The following GFI1B variants were observed in gnomAD, a reference collection of about 807,000 sequenced individuals.
GFI1B encodes growth factor independent 1B transcriptional repressor.
In GFI1B, 20 loss-of-function variants were observed where a neutral mutation model predicts 35.3. That is an observed-to-expected ratio of 0.57 (90% CI 0.40 to 0.82). The LOEUF (loss-of-function observed/expected upper bound fraction) is 0.82. Among genes scored for constraint, GFI1B ranks in the 40% least tolerant of loss-of-function variants. The pLI, the probability that GFI1B is intolerant of heterozygous loss-of-function variation, is 0.00. For synonymous variants in GFI1B, 178 were observed against 177.6 expected, an observed-to-expected ratio of 1.00 and a Z score of -0.02; for missense variants, 430 against 446.3, an observed-to-expected ratio of 0.96 and a Z score of 0.33.
At position 132,987,420 on chromosome 9, in the gene GFI1B, G is replaced by T. The variant is rs1358456032; in HGVS notation, c.238+1G>T. The T allele has an allele frequency of 1.2e-6, 2 of 1,614,238 alleles. No homozygotes were observed. The highest frequency in any genetic ancestry group is 1.1e-5 in the South Asian group (1 of 91,092). On this transcript the variant is annotated splice_donor_variant, in intron 3 of 6. Transcript: ENST00000372122. LOFTEE classifies it high-confidence loss of function. ...TTGGCCAGGATGGCCCCGGCACCAG[G>T]TACCCCGCTGTGACCCACTGTCATT... is the stretch of plus-strand genomic sequence containing the variant.
intron 1 of GFI1B, among the ~76,000 whole-genome samples, chr9:132,984,059 C>G (rs560470885): frequency 6.6e-6 from 1 of 152,378 alleles, no homozygotes; most frequent in South Asian, 2.1e-4. Context: ...AGCTCCTCTT[C>G]TATCACAGAA....
Position 132,948,274 on chromosome 9 carries a change from C to T in GFI1B, c.-701+2605C>T, listed in dbSNP as rs139040376. Among the ~76,000 whole-genome samples, 26 of 152,224 alleles carry T rather than the reference C, an allele frequency of 1.7e-4. No individual in the cohort carries two copies. In the East Asian group the frequency reaches 5.0e-3, roughly 29 times the overall value. On this transcript the variant is annotated intron_variant, in intron 1 of 10. Transcript: ENST00000339463. Reference sequence around the variant, plus strand: ...GGAAGCTGTGGCCTCTCCCTTCCCCCGTCCTACAGCAAGGTGTGTGACAAG... The same window carrying T: ...GGAAGCTGTGGCCTCTCCCTTCCCCTGTCCTACAGCAAGGTGTGTGACAAG...
At chr9:132,963,335 T>C (rs111590405) in intron 1 of GFI1B, among the ~76,000 whole-genome samples, 6,275 of 151,944 alleles carry the variant, frequency 0.041, 455 homozygotes, top group African/African-American at 0.14. Flanking sequence ...CAAAAATTAG[T>C]GGCATGTTGT....
downstream of GFI1B, chr9:132,991,806 G>A (rs1196456424): frequency 6.6e-6 from 1 of 152,480 alleles, no homozygotes; most frequent in Non-Finnish European, 1.5e-5. Flanking sequence ...GGTGCTCATA[G>A]GCAAGTTGTG....
chr9:132,971,566 T>C (rs1298655617), intron 1 of GFI1B, among the ~76,000 whole-genome samples: 2 of 152,008 alleles, frequency 1.3e-5, no homozygotes, highest in South Asian at 2.1e-4. Context: ...ATTGAAAACA[T>C]TATAAACACA....
chr9:132,961,592 T>A (rs868234854), intron 1 of GFI1B, among the ~76,000 whole-genome samples: 1 of 110,158 alleles, frequency 9.1e-6, no homozygotes, highest in Admixed American at 8.7e-5. Context: ...ATACCTCTCA[T>A]TTTTTTTTTT....
intron 1 of GFI1B, among the ~76,000 whole-genome samples, chr9:132,968,777 G>T (rs1848488525): frequency 6.6e-6 from 1 of 152,114 alleles, no homozygotes; most frequent in Admixed American, 6.5e-5. Flanking sequence ...TGGAGGTTTT[G>T]TGGTTTTTAT....
chr9:132,949,141 C>G (rs1480653023), intron 1 of GFI1B, among the ~76,000 whole-genome samples: 1 of 152,176 alleles, frequency 6.6e-6, no homozygotes, highest in Non-Finnish European at 1.5e-5. Flanking sequence ...CTGCTCACAC[C>G]TGTCTTTTTA....
chr9:132,972,001 G>A (rs1006333265), intron 1 of GFI1B, among the ~76,000 whole-genome samples: 2 of 149,708 alleles, frequency 1.3e-5, no homozygotes, highest in Non-Finnish European at 3.0e-5. Flanking sequence ...TGGGTTGGGT[G>A]TGGTGGCTCA....
intron 1 of GFI1B, among the ~76,000 whole-genome samples, chr9:132,984,377 G>T (rs2132634520): frequency 6.6e-6 from 1 of 152,302 alleles, no homozygotes; most frequent in Admixed American, 6.5e-5. Flanking sequence ...GTCCCTGGGA[G>T]ATAAGGCCGT....
chr9:132,964,261 A>G (rs1393199797), intron 1 of GFI1B, among the ~76,000 whole-genome samples: 2 of 152,202 alleles, frequency 1.3e-5, no homozygotes, highest in East Asian at 3.8e-4. Context: ...AATTAATTAA[A>G]TAAAAACCTA....
chr9:132,980,903 GT>G lies in GFI1B; in HGVS notation c.-21+2065del, dbSNP rs531633216. Among the ~76,000 whole-genome samples, 520 of 152,094 alleles carry G rather than the reference GT, an allele frequency of 3.4e-3. 5 individuals carry two copies. The highest frequency in any genetic ancestry group is 1.4e-3 in the Non-Finnish European group (96 of 68,004). On this transcript the variant is annotated intron_variant, in intron 1 of 6. Coordinates refer to ENST00000372122, the MANE Select transcript of GFI1B (RefSeq NM_001377304.1). ...CATATGTCTAGACCACATTTTGTTTGTTTGTTTGTTTGTTTGAGACAGAGTC... is the reference window on the plus strand; with the variant it reads ...CATATGTCTAGACCACATTTTGTTTGTTGTTTGTTTGTTTGAGACAGAGTC...
At chr9:132,986,831 C>A (rs1264938547) in intron 2 of GFI1B, 53 bp downstream of exon 2, 5 of 1,105,778 alleles carry the variant, frequency 4.5e-6, no homozygotes, top group Non-Finnish European at 5.4e-6. Context: ...GCTCTCTGCT[C>A]TGCGTGATGA....
At chr9:132,967,567 A>C (rs943619231) in intron 1 of GFI1B, among the ~76,000 whole-genome samples, 1 of 152,252 alleles carries the variant, frequency 6.6e-6, no homozygotes, top group Non-Finnish European at 1.5e-5. Flanking sequence ...GGGAAACTGC[A>C]AAAATGTCCA....
intron 1 of GFI1B, chr9:132,945,673 GGGTTTTAAA>G (rs1295643917): frequency 6.5e-6 from 1 of 154,112 alleles, no homozygotes; most frequent in Non-Finnish European, 1.5e-5. Flanking sequence ...GCATCAGGTT[GGGTTTTAAA>G]GGAAATGTAG....
chr9:132,978,355 C>A (rs1231465285), upstream of GFI1B, among the ~76,000 whole-genome samples: 1 of 151,012 alleles, frequency 6.6e-6, no homozygotes, highest in East Asian at 2.0e-4. Flanking sequence ...AAGAAAAAAA[C>A]CAAAGAGCAA....
At chr9:132,986,579 A>G (rs1426203474) in intron 1 of GFI1B, 80 bp from the exon 2 acceptor site, 2 of 757,424 alleles carry the variant, frequency 2.6e-6, no homozygotes, top group Admixed American at 4.0e-5. Context: ...CTGGTGTTTT[A>G]TCTCAGGAGG....
At position 132,982,021 on chromosome 9, in the gene GFI1B, G is replaced by A. The variant is rs572825381; in HGVS notation, c.-21+3180G>A. 4.6e-5 allele frequency among the ~76,000 whole-genome samples: 7 copies of A among 152,326 alleles called. No individual in the cohort carries two copies. In the South Asian group the frequency reaches 1.0e-3, roughly 23 times the overall value. On this transcript the variant is annotated intron_variant, in intron 1 of 6. Coordinates refer to ENST00000372122, the MANE Select transcript of GFI1B (RefSeq NM_001377304.1). ...GCCTGCCTTGGCCTCCCAAAGTGCT[G>A]GGATTACAGGCGTGAGCCACCACGC... is the stretch of plus-strand genomic sequence containing the variant.
At chr9:132,969,482 A>T (rs1177086078) in intron 1 of GFI1B, among the ~76,000 whole-genome samples, 1 of 152,196 alleles carries the variant, frequency 6.6e-6, no homozygotes, top group East Asian at 1.9e-4. Flanking sequence ...TCTAAGGCTG[A>T]ATAATAATAC....
Sources: allele counts gnomAD v4.1 joint callset (sites outside exome capture counted in the v4.1 genomes callset), GRCh38; gene constraint gnomAD v4.1.1; transcripts MANE v1.5; gene names NCBI Gene and HGNC (gene_info 2026-07-23, HGNC 2026-07-21).